Variants in IMPG2 observed in about 807,000 individuals in gnomAD.
IMPG2 encodes IPM 200.
A neutral mutation model predicts 129.2 loss-of-function variants in IMPG2; 91 were observed. That is an observed-to-expected ratio of 0.70 (90% CI 0.59 to 0.84). The LOEUF (loss-of-function observed/expected upper bound fraction) is 0.84, where lower values mean the gene tolerates loss of function less well. Ranked by LOEUF, IMPG2 falls within the 40% of genes least tolerant of loss-of-function variation. The pLI is 0.00. For synonymous variants in IMPG2, 510 were observed against 517.7 expected (o/e 0.99, Z 0.20); for missense variants, 1,430 against 1,461.7 (o/e 0.98, Z 0.35).
intron 15 of IMPG2, among the ~76,000 whole-genome samples, chr3:101,232,349 T>C (rs1413868479): frequency 6.6e-6 from 1 of 152,146 alleles, no homozygotes; most frequent in Non-Finnish European, 1.5e-5. Flanking sequence ...GCAATTCTCC[T>C]GCCTTAGCCT....
chr3:101,256,988 T>C lies in IMPG2; in HGVS notation c.1153+541A>G, dbSNP rs183968700. Reference sequence around the variant, plus strand: ...TAAACACCCTCTTCTTCATGATCTGTCATATCCACCTGTTCATTATGGATC... The same window carrying C: ...TAAACACCCTCTTCTTCATGATCTGCCATATCCACCTGTTCATTATGGATC... On this transcript the variant is annotated intron_variant, in intron 10 of 18. Coordinates refer to ENST00000193391, the MANE Select transcript of IMPG2 (RefSeq NM_016247.4). Among the ~76,000 whole-genome samples the C allele has an allele frequency of 2.0e-5, 3 of 152,196 alleles. No homozygotes were observed. The East Asian group carries it at 5.8e-4, about 29-fold the overall frequency.
At chr3:101,310,259 A>G (rs1430167309) in intron 2 of IMPG2, among the ~76,000 whole-genome samples, 1 of 152,200 alleles carries the variant, frequency 6.6e-6, no homozygotes, top group Non-Finnish European at 1.5e-5. Flanking sequence ...TATGAAATAC[A>G]TTTAAAGGAT....
At chr3:101,262,926 A>C (rs1706685390) in intron 9 of IMPG2, among the ~76,000 whole-genome samples, 1 of 152,042 alleles carries the variant, frequency 6.6e-6, no homozygotes, top group Non-Finnish European at 1.5e-5. Flanking sequence ...AACAGACTTC[A>C]AGTCCAAAGT....
Position 101,242,713 on chromosome 3 carries a change from A to G in IMPG2, c.2997T>C (p.Asp999=), listed in dbSNP as rs1020850805. The G allele has an allele frequency of 1.9e-6, 3 of 1,613,552 alleles. No homozygotes were observed. The highest frequency in any genetic ancestry group is 1.7e-4 in the Middle Eastern group (1 of 6,060). Residue 999 remains aspartate (D), a synonymous_variant, in exon 14 of 19, where the codon GAT becomes GAC. Transcript: ENST00000193391. ...TAYNTMNLAI[D]KYSLDVESGD... ...CTGATTCCACATCAAGAGAGTATTT[A>G]TCAATAGCCAAGTTCATGGTATTGT...
Position 101,243,502 on chromosome 3 carries a change from T to C in IMPG2, c.2802+27A>G, listed in dbSNP as rs770631245. 6.9e-6 allele frequency: 11 copies of C among 1,604,686 alleles called. 1 individual carries two copies. In the Admixed American group the frequency reaches 1.8e-4, roughly 27 times the overall value. ...TCGGTCATACATGATTATTCACTAGTGCCCATGTTTCACTTTTTATGCTTA... is the reference window on the plus strand; with the variant it reads ...TCGGTCATACATGATTATTCACTAGCGCCCATGTTTCACTTTTTATGCTTA... On this transcript the variant is annotated intron_variant, in intron 13 of 18. Coordinates refer to ENST00000193391, the MANE Select transcript of IMPG2 (RefSeq NM_016247.4).
At chr3:101,235,177 G>A (rs918854479) in intron 14 of IMPG2, among the ~76,000 whole-genome samples, 8 of 152,310 alleles carry the variant, frequency 5.3e-5, no homozygotes, top group South Asian at 2.1e-4. Context: ...GTGGTTGTTC[G>A]GCATCACCAT....
intron 3 of IMPG2, among the ~76,000 whole-genome samples, chr3:101,293,415 G>T (rs1707042599): frequency 6.6e-6 from 1 of 152,122 alleles, no homozygotes; most frequent in South Asian, 2.1e-4. Context: ...TGAGCAGTAG[G>T]TTTCAAAGGT....
intron 2 of IMPG2, among the ~76,000 whole-genome samples, chr3:101,304,696 T>C (rs189020624): frequency 1.2e-3 from 185 of 152,262 alleles, no homozygotes; most frequent in African/African-American, 4.3e-3. Flanking sequence ...TTGCAGATGT[T>C]CTCCTGAAAT....
At chr3:101,303,612 T>A (rs1431377271) in intron 3 of IMPG2, among the ~76,000 whole-genome samples, 1 of 152,214 alleles carries the variant, frequency 6.6e-6, no homozygotes, top group Non-Finnish European at 1.5e-5. Flanking sequence ...GTAATTTGTC[T>A]TTATGCATGT....
At chr3:101,314,319 GATT>G (rs1218474578) in intron 2 of IMPG2, among the ~76,000 whole-genome samples, 1 of 152,038 alleles carries the variant, frequency 6.6e-6, no homozygotes, top group Admixed American at 6.6e-5. Flanking sequence ...ACACTAAAAA[GATT>G]ATTTGTTGTC....
At position 101,225,237 on chromosome 3, in the gene IMPG2, T is replaced by C. The variant is rs1222352016; in HGVS notation, c.*1732A>G. On this transcript the variant is annotated 3_prime_UTR_variant, in exon 19 of 19. Coordinates refer to ENST00000193391, the MANE Select transcript of IMPG2 (RefSeq NM_016247.4). ...TTTCAAATGGGCCCAGTGGAAAGTG[T>C]CTAATTATCCAATATTAAGACTAGA... The C allele has an allele frequency of 1.3e-5, 2 of 152,240 alleles. No individual in the cohort carries two copies. The highest frequency in any genetic ancestry group is 1.3e-4 in the Admixed American group (2 of 15,282). 9.4% of individuals were successfully genotyped at this position (152,240 alleles called of 1,614,324 possible). A position where few individuals can be genotyped will look rare whatever the true frequency, so the allele number is the denominator to read the frequency against.
chr3:101,297,112 G>C (rs1221006585), intron 3 of IMPG2, among the ~76,000 whole-genome samples: 1 of 152,054 alleles, frequency 6.6e-6, no homozygotes, highest in African/African-American at 2.4e-5. Flanking sequence ...GTTTCACCAT[G>C]TTAGCCGGGA....
intron 14 of IMPG2, among the ~76,000 whole-genome samples, chr3:101,241,475 ATGGGGACCAGGCCTTGTGGCTAC>A (rs1706406573): frequency 6.6e-6 from 1 of 152,154 alleles, no homozygotes; most frequent in South Asian, 2.1e-4. Flanking sequence ...GGGGAAGAAG[ATGGGGACCAGGCCTTGTGGCTAC>A]TGAACCAGAC....
intron 4 of IMPG2, among the ~76,000 whole-genome samples, chr3:101,279,569 T>C (rs9859697): frequency 0.04 from 6,057 of 152,206 alleles, 425 homozygotes; most frequent in African/African-American, 0.14. Context: ...TTAGAGTTGC[T>C]CTATGGAGAG....
intron 4 of IMPG2, among the ~76,000 whole-genome samples, chr3:101,289,652 G>A (rs1003331125): frequency 1.3e-5 from 2 of 151,918 alleles, no homozygotes; most frequent in Admixed American, 6.6e-5. Context: ...AGAGCCTTGC[G>A]GGTCATGTTA....
chr3:101,319,362 A>G (rs1576776367), intron 2 of IMPG2, among the ~76,000 whole-genome samples: 1 of 152,150 alleles, frequency 6.6e-6, no homozygotes. Flanking sequence ...AAATGATATT[A>G]TTGCCTTAAC....
In IMPG2 at chr3:101,224,707, G is replaced by A. The variant is rs1167294128; in HGVS notation, c.*2262C>T. ...TCAACAGTGGTTCAGCTATAGCAAA[G>A]GCAGGACAAAAGTTGTATTCCTCAA... On this transcript the variant is annotated 3_prime_UTR_variant, in exon 19 of 19. Transcript: ENST00000193391. 1 of 152,228 alleles carries A rather than the reference G, an allele frequency of 6.6e-6. No homozygotes were observed. The highest frequency in any genetic ancestry group is 1.5e-5 in the Non-Finnish European group (1 of 68,034). The allele number at this position is 152,228 out of a possible 1,614,324, so 9.4% of individuals were successfully genotyped here.
chr3:101,259,637 C>G (rs1188551191), intron 9 of IMPG2, among the ~76,000 whole-genome samples: 1 of 151,296 alleles, frequency 6.6e-6, no homozygotes, highest in East Asian at 1.9e-4. Context: ...ATTTACATAT[C>G]TAAAGGAAAG....
intron 14 of IMPG2, among the ~76,000 whole-genome samples, chr3:101,233,468 G>C (rs1238642228): frequency 6.6e-6 from 1 of 152,146 alleles, no homozygotes; most frequent in Non-Finnish European, 1.5e-5. Flanking sequence ...AAGAGAACTG[G>C]TAGGAGCCTC....
Sources: allele counts gnomAD v4.1 joint callset (sites outside exome capture counted in the v4.1 genomes callset), GRCh38; gene constraint gnomAD v4.1.1; transcripts MANE v1.5; gene names NCBI Gene and HGNC (gene_info 2026-07-23, HGNC 2026-07-21).